GLIS3: variants seen among roughly 807,000 people sequenced by gnomAD.
GLIS3 encodes GLIS family zinc finger 3.
Under a neutral mutation model 78.6 loss-of-function variants are expected in GLIS3, and 53 were observed. That is an observed-to-expected ratio of 0.67 (90% CI 0.54 to 0.85). GLIS3 has a LOEUF of 0.85. Among genes scored for constraint, GLIS3 ranks in the 40% least tolerant of loss-of-function variants. The pLI, the probability that GLIS3 is intolerant of heterozygous loss-of-function variation, is 0.00. For missense variants in GLIS3, 1,703 were observed against 1,231.1 expected (o/e 1.38, Z -5.74); for synonymous variants, 684 against 509.9 (o/e 1.34, Z -4.60).
intron 7 of GLIS3, among the ~76,000 whole-genome samples, chr9:3,889,581 ATTCAT>A (rs1238728770): frequency 6.6e-6 from 1 of 152,198 alleles, no homozygotes; most frequent in Non-Finnish European, 1.5e-5. Flanking sequence ...CTCCTCTTTA[ATTCAT>A]TTCAATTAAT....
chr9:3,961,470 T>G (rs1817547619), intron 4 of GLIS3, among the ~76,000 whole-genome samples: 1 of 152,218 alleles, frequency 6.6e-6, no homozygotes, highest in Non-Finnish European at 1.5e-5. Context: ...GAATTAAACA[T>G]GTCATAAATC....
chr9:4,069,900 C>T (rs1056891879), intron 4 of GLIS3, among the ~76,000 whole-genome samples: 3 of 151,932 alleles, frequency 2.0e-5, no homozygotes, highest in African/African-American at 4.8e-5. Context: ...CATCTGGAAG[C>T]GGAAGCCTGT....
chr9:4,441,207 G>C, the GLIS3 span, among the ~76,000 whole-genome samples: 1 of 152,176 alleles, frequency 6.6e-6, no homozygotes, highest in Non-Finnish European at 1.5e-5. Flanking sequence ...AAAGTGGTAA[G>C]AAATGGGCAT....
chr9:4,187,354 T>C (rs1004712873), intron 2 of GLIS3, among the ~76,000 whole-genome samples: 1 of 152,230 alleles, frequency 6.6e-6, no homozygotes, highest in South Asian at 2.1e-4. Flanking sequence ...CATTGTTCTA[T>C]CTCTCTGTTT....
intron 4 of GLIS3, among the ~76,000 whole-genome samples, chr9:4,010,934 C>T (rs779968376): frequency 5.9e-5 from 9 of 152,130 alleles, no homozygotes; most frequent in Non-Finnish European, 1.0e-4. Context: ...GATACGCATG[C>T]ATGTGTATGG....
chr9:4,447,668 G>A, the GLIS3 span, among the ~76,000 whole-genome samples: 2 of 152,082 alleles, frequency 1.3e-5, no homozygotes, highest in Non-Finnish European at 2.9e-5. Flanking sequence ...TTGCCTCCAG[G>A]TACTGCTGAT....
At chr9:3,904,662 G>A (rs924305184) in intron 6 of GLIS3, among the ~76,000 whole-genome samples, 1 of 152,156 alleles carries the variant, frequency 6.6e-6, no homozygotes, top group Non-Finnish European at 1.5e-5. Flanking sequence ...TAGTCAACAG[G>A]AAGCACTTTT....
chr9:4,301,651 A>C (rs1054018393), upstream of GLIS3, among the ~76,000 whole-genome samples: 2 of 152,268 alleles, frequency 1.3e-5, no homozygotes, highest in East Asian at 3.9e-4. Context: ...ACTGCAAAAA[A>C]CCTTTCCAAT....
intron 9 of GLIS3, among the ~76,000 whole-genome samples, chr9:3,829,763 G>A (rs1219445500): frequency 6.6e-6 from 1 of 152,140 alleles, no homozygotes; most frequent in Non-Finnish European, 1.5e-5. Flanking sequence ...ACCTTCCCTA[G>A]ACTCTCTGAA....
At chr9:4,298,352 A>C (rs1285307733) in intron 1 of GLIS3, 2 of 455,920 alleles carry the variant, frequency 4.4e-6, no homozygotes, top group African/African-American at 4.0e-5. Context: ...CGGAGCCAGA[A>C]ACCCTTCCCC....
At chr9:3,960,156 T>C (rs560126976) in intron 4 of GLIS3, among the ~76,000 whole-genome samples, 5 of 152,126 alleles carry the variant, frequency 3.3e-5, no homozygotes, top group East Asian at 3.9e-4. Flanking sequence ...AAGAGGAAAT[T>C]TGAACACAGA....
At chr9:4,434,628 G>A in the GLIS3 span, among the ~76,000 whole-genome samples, 1 of 152,166 alleles carries the variant, frequency 6.6e-6, no homozygotes, top group Non-Finnish European at 1.5e-5. Context: ...ACATGGAGGT[G>A]AAGAAACCTT....
At chr9:4,344,367 A>T (rs1817874410) in intron 2 of GLIS3, among the ~76,000 whole-genome samples, 1 of 152,204 alleles carries the variant, frequency 6.6e-6, no homozygotes, top group African/African-American at 2.4e-5. Flanking sequence ...GGCATTTGGC[A>T]ATTCATCAGC....
chr9:3,852,017 C>T (rs950152880), intron 9 of GLIS3, among the ~76,000 whole-genome samples: 18 of 152,034 alleles, frequency 1.2e-4, no homozygotes, highest in Middle Eastern at 3.2e-3. Flanking sequence ...TGGGGGCATG[C>T]GCCTGTAATC....
At chr9:4,096,076 AAG>A (rs1290577971) in intron 4 of GLIS3, among the ~76,000 whole-genome samples, 1 of 152,170 alleles carries the variant, frequency 6.6e-6, no homozygotes, top group Non-Finnish European at 1.5e-5. Flanking sequence ...AAATACAAAG[AAG>A]AGAGATATAT....
chr9:3,884,205 C>T (rs1239536361), intron 7 of GLIS3, among the ~76,000 whole-genome samples: 1 of 152,076 alleles, frequency 6.6e-6, no homozygotes, highest in African/African-American at 2.4e-5. Flanking sequence ...AAACAGGGCA[C>T]CCTTGGGGTT....
At chr9:4,382,990 T>A in the GLIS3 span, among the ~76,000 whole-genome samples, 2 of 152,158 alleles carry the variant, frequency 1.3e-5, no homozygotes, top group Admixed American at 1.3e-4. Context: ...GAATCCATCT[T>A]CCCATCTGTC....
chr9:4,358,984 C>T, the GLIS3 span, among the ~76,000 whole-genome samples: 5 of 152,154 alleles, frequency 3.3e-5, no homozygotes, highest in African/African-American at 1.2e-4. Flanking sequence ...CCTCACTAGT[C>T]CCATCCTCAG....
chr9:4,297,797 C>G (rs953875907), intron 1 of GLIS3, among the ~76,000 whole-genome samples: 7 of 152,160 alleles, frequency 4.6e-5, no homozygotes, highest in African/African-American at 1.7e-4. Flanking sequence ...CCACTCCTGC[C>G]AAGAGGAGGG....
Sources: gnomAD v4.1 joint callset for allele counts (sites outside exome capture counted in the v4.1 genomes callset) on GRCh38, gnomAD v4.1.1 for gene constraint, MANE v1.5 for transcripts, NCBI Gene and HGNC (gene_info 2026-07-23, HGNC 2026-07-21) for gene names.